PTPRO: variants seen among roughly 807,000 people sequenced by gnomAD.
PTPRO encodes the protein receptor-type tyrosine-protein phosphatase O.
Under a neutral mutation model 145.2 loss-of-function variants are expected in PTPRO, and 62 were observed. That is an observed-to-expected ratio of 0.43 (90% CI 0.35 to 0.53). The LOEUF is 0.53. PTPRO is among the 20% of genes least tolerant of loss of function. PTPRO has a pLI of 0.01. For missense variants in PTPRO, 1,345 were observed against 1,482.7 expected, an observed-to-expected ratio of 0.91 and a Z score of 1.53; for synonymous variants, 565 against 514.7, an observed-to-expected ratio of 1.10 and a Z score of -1.32.
chr12:15,513,163 AAGAAAG>A (rs1942492829), intron 7 of PTPRO, among the ~76,000 whole-genome samples: 4 of 34,090 alleles, frequency 1.2e-4, no homozygotes, highest in African/African-American at 3.1e-4. Flanking sequence ...AAGAAAAAGA[AAGAAAG>A]AAAGAAAGAA....
At chr12:15,465,694 A>G (rs1181676892) in intron 1 of PTPRO, among the ~76,000 whole-genome samples, 2 of 152,220 alleles carry the variant, frequency 1.3e-5, no homozygotes, top group Non-Finnish European at 2.9e-5. Flanking sequence ...TATTTCAACA[A>G]GAAGGAATGC....
intron 1 of PTPRO, among the ~76,000 whole-genome samples, chr12:15,384,753 C>T (rs1938968495): frequency 6.6e-6 from 1 of 152,142 alleles, no homozygotes; most frequent in African/African-American, 2.4e-5. Flanking sequence ...AATGTTAATA[C>T]AATAAAGAAT....
intron 12 of PTPRO, chr12:15,546,319 CT>C: frequency 7.6e-7 from 1 of 1,314,444 alleles, no homozygotes; most frequent in South Asian, 1.6e-5. Context: ...TATGATGAAA[CT>C]GAAGTAGAAA....
At chr12:15,359,346 C>A (rs1938099484) in intron 1 of PTPRO, among the ~76,000 whole-genome samples, 1 of 151,552 alleles carries the variant, frequency 6.6e-6, no homozygotes, top group Admixed American at 6.6e-5. Flanking sequence ...GATTTTAATG[C>A]CCTTATTAGA....
chr12:15,532,243 T>C (rs1306691428), intron 12 of PTPRO, among the ~76,000 whole-genome samples: 1 of 152,172 alleles, frequency 6.6e-6, no homozygotes, highest in Non-Finnish European at 1.5e-5. Flanking sequence ...AAAATTATAA[T>C]ATTGAATAAT....
At chr12:15,577,883 C>T (rs1306384707) in intron 19 of PTPRO, among the ~76,000 whole-genome samples, 1 of 152,204 alleles carries the variant, frequency 6.6e-6, no homozygotes, top group Non-Finnish European at 1.5e-5. Flanking sequence ...CCGTAATCCC[C>T]GTTTCCTGTA....
intron 10 of PTPRO, 117 bp downstream of exon 10, chr12:15,520,429 T>C (rs1014028261): frequency 2.7e-6 from 2 of 731,802 alleles, no homozygotes; most frequent in Non-Finnish European, 5.0e-6. Context: ...GAGCATCAAT[T>C]TCATGGGAGA....
chr12:15,551,223 C>T (rs145147509), intron 14 of PTPRO, among the ~76,000 whole-genome samples: 1 of 152,304 alleles, frequency 6.6e-6, no homozygotes, highest in East Asian at 1.9e-4. Flanking sequence ...ATGGTAATGA[C>T]TTCCACATTT....
At chr12:15,529,076 T>C (rs1328711436) in intron 12 of PTPRO, among the ~76,000 whole-genome samples, 2 of 152,174 alleles carry the variant, frequency 1.3e-5, no homozygotes, top group African/African-American at 4.8e-5. Flanking sequence ...ATTAGACCTT[T>C]GGGAAAATTA....
At chr12:15,468,902 G>C (rs530600137) in intron 1 of PTPRO, among the ~76,000 whole-genome samples, 1 of 152,278 alleles carries the variant, frequency 6.6e-6, no homozygotes, top group East Asian at 1.9e-4. Context: ...CCTTAGTGAA[G>C]GTGGAGGGCT....
At chr12:15,394,450 A>G (rs145495103) in intron 1 of PTPRO, among the ~76,000 whole-genome samples, 9 of 152,208 alleles carry the variant, frequency 5.9e-5, no homozygotes, top group African/African-American at 2.2e-4. Flanking sequence ...TCCATTCTTG[A>G]AAAGATACTA....
At chr12:15,513,108 A>AAGGAAGG in intron 7 of PTPRO, among the ~76,000 whole-genome samples, 1 of 50,924 alleles carries the variant, frequency 2.0e-5, no homozygotes, top group African/African-American at 8.2e-5. Flanking sequence ...AGAAAGAAAG[A>AAGGAAGG]AAGGAAGGAA....
chr12:15,581,954 GC>G, intron 23 of PTPRO, among the ~76,000 whole-genome samples, 153 bp downstream of exon 23: 5 of 152,188 alleles, frequency 3.3e-5, no homozygotes, highest in Admixed American at 3.3e-4. Flanking sequence ...GGGTCTCACA[GC>G]TTTAAGAGCT....
intron 1 of PTPRO, among the ~76,000 whole-genome samples, chr12:15,421,411 GGA>G (rs969142899): frequency 6.6e-6 from 1 of 152,124 alleles, no homozygotes; most frequent in Non-Finnish European, 1.5e-5. Flanking sequence ...AGAGAGTTAA[GGA>G]GAGAGGGAAT....
intron 13 of PTPRO, among the ~76,000 whole-genome samples, chr12:15,547,367 C>T (rs1041048214): frequency 6.6e-6 from 1 of 152,070 alleles, no homozygotes; most frequent in Admixed American, 6.5e-5. Flanking sequence ...AGTGGCAACG[C>T]CACAAGGAAA....
At chr12:15,536,440 T>C (rs1207762258) in intron 12 of PTPRO, among the ~76,000 whole-genome samples, 1 of 152,158 alleles carries the variant, frequency 6.6e-6, no homozygotes, top group Non-Finnish European at 1.5e-5. Context: ...AGCATAGTGT[T>C]CCTGGCAAGT....
chr12:15,561,362 T>A (rs1384391506), intron 17 of PTPRO, among the ~76,000 whole-genome samples: 1 of 152,130 alleles, frequency 6.6e-6, no homozygotes, highest in African/African-American at 2.4e-5. Context: ...TAAATACAGC[T>A]GGCAGAATTT....
At chr12:15,538,272 A>G (rs1479432474) in intron 12 of PTPRO, among the ~76,000 whole-genome samples, 1 of 151,280 alleles carries the variant, frequency 6.6e-6, no homozygotes, top group African/African-American at 2.4e-5. Context: ...TTACTCTGTC[A>G]TCCAGGCTGG....
chr12:15,456,183 G>A (rs1465047378), intron 1 of PTPRO, among the ~76,000 whole-genome samples: 1 of 152,100 alleles, frequency 6.6e-6, no homozygotes, highest in Non-Finnish European at 1.5e-5. Context: ...TCATAAAAGG[G>A]TATTGAATTT....
Sources: gnomAD v4.1 joint callset for allele counts (sites outside exome capture counted in the v4.1 genomes callset) on GRCh38, gnomAD v4.1.1 for gene constraint, MANE v1.5 for transcripts, NCBI Gene and HGNC (gene_info 2026-07-23, HGNC 2026-07-21) for gene names.